LACTB2: variants seen among roughly 807,000 people sequenced by gnomAD.
LACTB2 encodes lactamase beta 2, also known as endoribonuclease LACTB2.
In LACTB2, 32 loss-of-function variants were observed where a neutral mutation model predicts 34.8. That is an observed-to-expected ratio of 0.92 (90% CI 0.69 to 1.24). The LOEUF (loss-of-function observed/expected upper bound fraction) is 1.24. Ranked by LOEUF, LACTB2 falls within the 50% of genes most tolerant of loss-of-function variation. The pLI, the probability that LACTB2 is intolerant of heterozygous loss-of-function variation, is 0.00. For missense variants in LACTB2, 320 were observed against 345.0 expected (o/e 0.93, Z 0.57); for synonymous variants, 120 against 117.5 (o/e 1.02, Z -0.14).
intron 3 of LACTB2, among the ~76,000 whole-genome samples, chr8:70,645,215 A>T (rs930248216): frequency 6.6e-6 from 1 of 152,176 alleles, no homozygotes; most frequent in Non-Finnish European, 1.5e-5. Context: ...TCCTGGGCTC[A>T]AGCAATTCTC....
intron 1 of LACTB2, among the ~76,000 whole-genome samples, chr8:70,668,757 T>TG (rs141269253): frequency 0.36 from 52,559 of 145,490 alleles, 10,286 homozygotes; most frequent in East Asian, 0.66. Flanking sequence ...AGTTTTTTTT[T>TG]TTTTTTTTTT....
chr8:70,666,720 G>A (rs182574086), intron 1 of LACTB2, among the ~76,000 whole-genome samples: 1 of 152,328 alleles, frequency 6.6e-6, no homozygotes, highest in African/African-American at 2.4e-5. Context: ...AGTGACAGCA[G>A]GGGACATGAA....
intron 3 of LACTB2, among the ~76,000 whole-genome samples, chr8:70,648,849 C>A (rs1472235898): frequency 6.6e-6 from 1 of 152,052 alleles, no homozygotes; most frequent in African/African-American, 2.4e-5. Context: ...GAGGTAGGAT[C>A]CTTTGATGAG....
chr8:70,648,802 A>G (rs1284421282), intron 3 of LACTB2, among the ~76,000 whole-genome samples: 1 of 152,178 alleles, frequency 6.6e-6, no homozygotes, highest in Admixed American at 6.5e-5. Flanking sequence ...TGGGACTCAG[A>G]ACACACTACT....
chr8:70,665,394 CA>C (rs1412559957), intron 1 of LACTB2, among the ~76,000 whole-genome samples: 2 of 152,178 alleles, frequency 1.3e-5, no homozygotes, highest in Non-Finnish European at 2.9e-5. Context: ...TTAGTAGAAT[CA>C]AATTCCTTGT....
At chr8:70,660,259 T>C (rs937373655) in intron 2 of LACTB2, 3 of 264,400 alleles carry the variant, frequency 1.1e-5, no homozygotes, top group South Asian at 4.1e-5. Flanking sequence ...TGGCATAAAA[T>C]AGTTTTTTAA....
rs114532653 is a variant in LACTB2 at position 70,659,819 on chromosome 8, G to A, written c.286+1915C>T. 2.0e-3 allele frequency among the ~76,000 whole-genome samples: 309 copies of A among 152,314 alleles called. 2 individuals are homozygous for A. The highest frequency in any genetic ancestry group is 7.2e-3 in the African/African-American group (301 of 41,564). On this transcript the variant is annotated intron_variant, in intron 2 of 6. Coordinates refer to ENST00000276590, the MANE Select transcript of LACTB2 (RefSeq NM_016027.3). Reference sequence around the variant, plus strand: ...AAACACATATCCTATTTGAGTGGTTGTTGGAGGCTGGGGATGGGGGAAATC... The same window carrying A: ...AAACACATATCCTATTTGAGTGGTTATTGGAGGCTGGGGATGGGGGAAATC...
intron 2 of LACTB2, among the ~76,000 whole-genome samples, chr8:70,659,329 C>G (rs548890756): frequency 5.9e-5 from 9 of 152,076 alleles, no homozygotes; most frequent in Non-Finnish European, 4.4e-5. Context: ...GGAATGACTA[C>G]AATTTCCCAG....
intron 3 of LACTB2, among the ~76,000 whole-genome samples, chr8:70,647,782 G>A (rs1453937764): frequency 6.6e-6 from 1 of 152,128 alleles, no homozygotes; most frequent in East Asian, 1.9e-4. Context: ...AAGGAAGGTG[G>A]CTGAAATAAG....
At chr8:70,647,186 C>T (rs906328584) in intron 3 of LACTB2, among the ~76,000 whole-genome samples, 4 of 151,802 alleles carry the variant, frequency 2.6e-5, no homozygotes, top group African/African-American at 9.7e-5. Context: ...GGATAATTAC[C>T]TGCTATTCTA....
chr8:70,655,834 C>T (rs1444305283), intron 3 of LACTB2, among the ~76,000 whole-genome samples: 1 of 152,064 alleles, frequency 6.6e-6, no homozygotes, highest in East Asian at 1.9e-4. Context: ...GAAAGTGTCC[C>T]CTGTTCACCG....
In LACTB2 at chr8:70,637,523, T is replaced by C. The variant is rs191067198; in HGVS notation, c.*337A>G. 2 of 158,112 alleles carry C rather than the reference T, an allele frequency of 1.3e-5. No homozygotes were observed. The highest frequency in any genetic ancestry group is 2.8e-5 in the Non-Finnish European group (2 of 72,140). The allele number at this position is 158,112 out of a possible 1,614,324, so 9.8% of individuals were successfully genotyped here. On this transcript the variant is annotated 3_prime_UTR_variant, in exon 7 of 7. Transcript: ENST00000276590. ...AGAAAACAGTATAACTGATCACTAGTAATAGATAACTAACGGCCAAAAATA... is the reference window on the plus strand; with the variant it reads ...AGAAAACAGTATAACTGATCACTAGCAATAGATAACTAACGGCCAAAAATA...
intron 1 of LACTB2, among the ~76,000 whole-genome samples, chr8:70,668,373 G>C (rs562309074): frequency 2.0e-5 from 3 of 152,148 alleles, no homozygotes; most frequent in Non-Finnish European, 4.4e-5. Context: ...CTAAACAAGA[G>C]CAAAAGTATC....
At chr8:70,644,715 A>C (rs1818240593) in intron 3 of LACTB2, among the ~76,000 whole-genome samples, 1 of 152,134 alleles carries the variant, frequency 6.6e-6, no homozygotes, top group African/African-American at 2.4e-5. Context: ...CTTAGACTCA[A>C]GCAATCCTAC....
intron 1 of LACTB2, among the ~76,000 whole-genome samples, chr8:70,666,554 A>T (rs1818534611): frequency 6.6e-6 from 1 of 152,188 alleles, no homozygotes; most frequent in African/African-American, 2.4e-5. Flanking sequence ...AGACTGATGG[A>T]GGCCAGAATA....
intron 4 of LACTB2, 81 bp downstream of exon 4, chr8:70,643,984 T>A: frequency 7.6e-7 from 1 of 1,323,312 alleles, no homozygotes; most frequent in Non-Finnish European, 9.8e-7. Context: ...GTCAGGAGTT[T>A]GAGAACAGCC....
chr8:70,663,203 G>A (rs1818500648), intron 1 of LACTB2: 2 of 152,198 alleles, frequency 1.3e-5, no homozygotes, highest in South Asian at 4.1e-4. Flanking sequence ...TGGTGAGAAG[G>A]GGAACTGCAT....
At chr8:70,662,029 A>G (rs541830094) in intron 1 of LACTB2, 132 bp from the exon 2 acceptor site, 1 of 704,136 alleles carries the variant, frequency 1.4e-6, no homozygotes, top group African/African-American at 1.8e-5. Context: ...AAAACCAGCT[A>G]CATCACTTCA....
Position 70,669,128 on chromosome 8 carries a change from T to C in LACTB2, c.-8A>G. The stretch of plus-strand genomic sequence containing the variant: ...CTGCAGTACAGCAGCCATTCCCGCC[T>C]CAGCCGCCCGCCGGCGTGTCGCCTA... On this transcript the variant is annotated 5_prime_UTR_variant, in exon 1 of 7. Transcript: ENST00000276590. The C allele has an allele frequency of 6.2e-7, 1 of 1,608,988 alleles. No homozygotes were observed. Among genetic ancestry groups the C allele is most frequent in the South Asian group, 1.1e-5 (1 of 90,636 alleles).
Sources: allele counts gnomAD v4.1 joint callset (sites outside exome capture counted in the v4.1 genomes callset), GRCh38; gene constraint gnomAD v4.1.1; transcripts MANE v1.5; gene names NCBI Gene and HGNC (gene_info 2026-07-23, HGNC 2026-07-21).